The following TP63 variants were observed in gnomAD, a reference collection of about 807,000 sequenced individuals.
TP63 encodes tumor protein p63, also known as tumor protein 63.
TP63 carries 17 observed loss-of-function variants against 82.8 expected under a neutral mutation model. The ratio of observed to expected loss-of-function variants is 0.21; its 90% CI spans 0.14 to 0.31. TP63 has a LOEUF of 0.31. Ranked by LOEUF, TP63 falls within the 10% of genes least tolerant of loss-of-function variation. The probability of loss-of-function intolerance (pLI) is 1.00; values close to 1 mark genes in which losing one functional copy is unlikely to be tolerated. For synonymous variants in TP63, 330 were observed against 321.7 expected (o/e 1.03, Z -0.28); for missense variants, 648 against 895.3 (o/e 0.72, Z 3.52).
chr3:189,650,590 T>G (rs776397314), intron 1 of TP63, among the ~76,000 whole-genome samples: 1 of 147,168 alleles, frequency 6.8e-6, no homozygotes, highest in Non-Finnish European at 1.5e-5. Flanking sequence ...CCTGCCACCA[T>G]GTGAAGAAGG....
chr3:189,689,270 A>C (rs749390258), intron 1 of TP63, among the ~76,000 whole-genome samples: 11 of 151,070 alleles, frequency 7.3e-5, no homozygotes, highest in Non-Finnish European at 3.0e-5. Context: ...CACGTGCCAC[A>C]CTGCCCAGCT....
chr3:189,836,207 C>G (rs1280032146), intron 4 of TP63, among the ~76,000 whole-genome samples: 1 of 152,040 alleles, frequency 6.6e-6, no homozygotes, highest in Non-Finnish European at 1.5e-5. Flanking sequence ...GGAAATTAAT[C>G]AAATGTACAC....
upstream of TP63, among the ~76,000 whole-genome samples, chr3:189,627,654 T>C (rs991307032): frequency 2.0e-5 from 3 of 152,156 alleles, no homozygotes; most frequent in African/African-American, 7.2e-5. Context: ...GAAAGTTCTA[T>C]TGGAAAACAA....
chr3:189,642,907 A>C (rs1159598876), intron 1 of TP63, among the ~76,000 whole-genome samples: 2 of 152,184 alleles, frequency 1.3e-5, no homozygotes, highest in Non-Finnish European at 2.9e-5. Context: ...TTCTAGAAAA[A>C]TGGTCTGAGT....
intron 1 of TP63, among the ~76,000 whole-genome samples, chr3:189,688,664 T>C (rs1716641104): frequency 2.0e-5 from 3 of 152,142 alleles, no homozygotes; most frequent in African/African-American, 7.2e-5. Flanking sequence ...GTAAGGGAGC[T>C]GATAAAAAAC....
chr3:189,742,532 C>T (rs1721074933), intron 3 of TP63, among the ~76,000 whole-genome samples: 1 of 151,994 alleles, frequency 6.6e-6, no homozygotes, highest in Non-Finnish European at 1.5e-5. Flanking sequence ...TTGAATCATC[C>T]CAGATATATG....
At chr3:189,806,874 C>G (rs1726972746) in intron 3 of TP63, among the ~76,000 whole-genome samples, 1 of 151,770 alleles carries the variant, frequency 6.6e-6, no homozygotes, top group South Asian at 2.1e-4. Context: ...CTTCTCCTCC[C>G]CCTGTGGAAA....
At chr3:189,763,730 A>G (rs1365632526) in intron 3 of TP63, among the ~76,000 whole-genome samples, 1 of 152,214 alleles carries the variant, frequency 6.6e-6, no homozygotes, top group Non-Finnish European at 1.5e-5. Flanking sequence ...ACTCAGTCTG[A>G]CATGAAATGG....
chr3:189,611,217 T>A, the TP63 span, among the ~76,000 whole-genome samples: 7 of 152,232 alleles, frequency 4.6e-5, no homozygotes, highest in Admixed American at 6.5e-5. Flanking sequence ...AAACCTTTGC[T>A]CATTCCTATG....
At chr3:189,875,630 A>G (rs1719111114) in intron 10 of TP63, among the ~76,000 whole-genome samples, 2 of 126,026 alleles carry the variant, frequency 1.6e-5, no homozygotes, top group Non-Finnish European at 3.4e-5. Flanking sequence ...ATATATATAT[A>G]TATATATAAA....
At chr3:189,750,287 T>C (rs1430690522) in intron 3 of TP63, among the ~76,000 whole-genome samples, 3 of 151,964 alleles carry the variant, frequency 2.0e-5, no homozygotes, top group Admixed American at 6.6e-5. Context: ...AAGTAGAGAG[T>C]AGAATGATAA....
In TP63 at chr3:189,691,051, T is replaced by C. The variant is rs73056171; in HGVS notation, c.63-46689T>C. Among the ~76,000 whole-genome samples the C allele has an allele frequency of 4.4e-3, 674 of 152,142 alleles. 7 individuals are homozygous for C. Among genetic ancestry groups the C allele is most frequent in the African/African-American group, 0.015 (634 of 41,540 alleles). On this transcript the variant is annotated intron_variant, in intron 1 of 13. Coordinates refer to ENST00000264731, the MANE Select transcript of TP63 (RefSeq NM_003722.5). ...GCCAGAGATTTAGAAAGGTAATTGATTGTGGCTCGGTGCAGTGGCTCACAC... is the reference window on the plus strand; with the variant it reads ...GCCAGAGATTTAGAAAGGTAATTGACTGTGGCTCGGTGCAGTGGCTCACAC...
At chr3:189,841,828 T>G (rs1414139120) in intron 4 of TP63, among the ~76,000 whole-genome samples, 1 of 152,180 alleles carries the variant, frequency 6.6e-6, no homozygotes, top group Non-Finnish European at 1.5e-5. Flanking sequence ...AGCGTCCAGG[T>G]GTTGAAGGAG....
intron 1 of TP63, among the ~76,000 whole-genome samples, chr3:189,665,395 G>A (rs553721346): frequency 1.3e-5 from 2 of 152,110 alleles, no homozygotes; most frequent in African/African-American, 4.8e-5. Flanking sequence ...TTATAATCTC[G>A]TGTTCAAACC....
At chr3:189,692,619 A>G (rs1717027407) in intron 1 of TP63, among the ~76,000 whole-genome samples, 1 of 152,170 alleles carries the variant, frequency 6.6e-6, no homozygotes, top group African/African-American at 2.4e-5. Flanking sequence ...AATTATATAT[A>G]AATGCATTTT....
At chr3:189,836,588 G>A (rs1414586417) in intron 4 of TP63, among the ~76,000 whole-genome samples, 3 of 152,092 alleles carry the variant, frequency 2.0e-5, no homozygotes, top group Non-Finnish European at 4.4e-5. Flanking sequence ...TTTGGTTTTG[G>A]TAATGTCTCT....
At chr3:189,708,955 C>G (rs1328252016) in intron 1 of TP63, among the ~76,000 whole-genome samples, 1 of 152,156 alleles carries the variant, frequency 6.6e-6, no homozygotes, top group Non-Finnish European at 1.5e-5. Context: ...TGTTTTTTCA[C>G]AGTTTCCACC....
At chr3:189,849,750 G>A (rs1715386395) in intron 4 of TP63, among the ~76,000 whole-genome samples, 1 of 151,974 alleles carries the variant, frequency 6.6e-6, no homozygotes, top group Non-Finnish European at 1.5e-5. Context: ...CCAGGACAAG[G>A]ACTGGCATGA....
chr3:189,747,713 A>T (rs1223025007), intron 3 of TP63, among the ~76,000 whole-genome samples: 1 of 152,062 alleles, frequency 6.6e-6, no homozygotes, highest in Admixed American at 6.5e-5. Flanking sequence ...AAATTAGCAG[A>T]AGGAAAGAAT....
Sources: gnomAD v4.1 joint callset for allele counts (sites outside exome capture counted in the v4.1 genomes callset) on GRCh38, gnomAD v4.1.1 for gene constraint, MANE v1.5 for transcripts, NCBI Gene and HGNC (gene_info 2026-07-23, HGNC 2026-07-21) for gene names.